The following COL6A5 variants were observed in gnomAD, a reference collection of about 807,000 sequenced individuals.
COL6A5 encodes collagen type VI alpha 5 chain, also known as collagen alpha-5(VI) chain.
Under a neutral mutation model 65.6 loss-of-function variants are expected in COL6A5, and 48 were observed. The observed-to-expected ratio is 0.73, with a 90% CI of 0.58 to 0.93. The LOEUF (loss-of-function observed/expected upper bound fraction) is 0.93. Ranked by LOEUF, COL6A5 falls within the 40% of genes least tolerant of loss-of-function variation. The pLI is 0.00. For missense variants in COL6A5, 914 were observed against 928.3 expected, an observed-to-expected ratio of 0.98 and a Z score of 0.20; for synonymous variants, 291 against 322.8, an observed-to-expected ratio of 0.90 and a Z score of 1.05.
intron 1 of COL6A5, among the ~76,000 whole-genome samples, chr3:130,372,583 G>A (rs139635371): frequency 2.4e-3 from 368 of 152,192 alleles, no homozygotes; most frequent in African/African-American, 8.6e-3. Context: ...GCCACATATT[G>A]TATGATTCTG....
chr3:130,391,757 A>C lies in COL6A5; in HGVS notation c.2992+3A>C. The C allele has an allele frequency of 6.5e-7, 1 of 1,537,320 alleles. No individual in the cohort carries two copies. Among genetic ancestry groups the C allele is most frequent in the Non-Finnish European group, 8.8e-7 (1 of 1,140,498 alleles). On this transcript the variant is annotated splice_donor_region_variant and intron_variant and NMD_transcript_variant, in intron 7 of 41. Transcript: ENST00000312481. Reference sequence around the variant, plus strand: ...TATGTGTACTGAAGCACCAGAGGGTAAGTTGTTACTTTTAAAGTTTCTATG... The same window carrying C: ...TATGTGTACTGAAGCACCAGAGGGTCAGTTGTTACTTTTAAAGTTTCTATG...
At chr3:130,366,528 T>C (rs1223548464) in intron 1 of COL6A5, among the ~76,000 whole-genome samples, 4 of 152,232 alleles carry the variant, frequency 2.6e-5, no homozygotes, top group African/African-American at 4.8e-5. Context: ...TTTTATAGAT[T>C]ACAGAAGCAA....
At chr3:130,450,186 T>C (rs1325062801) in intron 4 of COL6A5, among the ~76,000 whole-genome samples, 3 of 151,966 alleles carry the variant, frequency 2.0e-5, no homozygotes, top group Non-Finnish European at 4.4e-5. Context: ...GCAACATTGG[T>C]GTGAGTTTGA....
chr3:130,383,351 G>A (rs34525063), intron 4 of COL6A5, among the ~76,000 whole-genome samples: 7,933 of 152,062 alleles, frequency 0.052, 293 homozygotes, highest in Middle Eastern at 0.11. Context: ...GTATTGGATA[G>A]CACAGCCCTA....
intron 31 of COL6A5, 49 bp downstream of exon 31, chr3:130,426,452 A>T (rs888050138): frequency 1.3e-6 from 2 of 1,527,420 alleles, no homozygotes; most frequent in Non-Finnish European, 1.8e-6. Context: ...TTGGTGAGGC[A>T]CTTAGGACTG....
At chr3:130,477,896 A>C (rs1710138398) in intron 7 of COL6A5, among the ~76,000 whole-genome samples, 1 of 152,140 alleles carries the variant, frequency 6.6e-6, no homozygotes, top group South Asian at 2.1e-4. Flanking sequence ...AATTCTATTA[A>C]TATTCTGAGA....
intron 20 of COL6A5, among the ~76,000 whole-genome samples, chr3:130,410,756 G>A (rs1321330115): frequency 6.6e-6 from 1 of 152,116 alleles, no homozygotes; most frequent in Non-Finnish European, 1.5e-5. Flanking sequence ...AGTATCAGTA[G>A]CACCACCCCT....
chr3:130,418,805 C>A, intron 24 of COL6A5, 64 bp from the exon 25 acceptor site: 1 of 1,332,532 alleles, frequency 7.5e-7, no homozygotes, highest in Non-Finnish European at 1.1e-6. Context: ...GTGGACAGAA[C>A]TTACCGTGGT....
At chr3:130,429,553 T>G, upstream of COL6A5, 1 of 1,545,234 alleles carries the variant, frequency 6.5e-7, no homozygotes, top group Non-Finnish European at 8.7e-7. Context: ...AACAAACTTT[T>G]CCCTCTCTCC....
At chr3:130,372,623 C>A (rs181691177) in intron 1 of COL6A5, among the ~76,000 whole-genome samples, 1 of 152,156 alleles carries the variant, frequency 6.6e-6, no homozygotes, top group Admixed American at 6.5e-5. Flanking sequence ...ATAGGCAAAT[C>A]CATAGAGAAA....
intron 1 of COL6A5, among the ~76,000 whole-genome samples, chr3:130,358,051 T>G (rs1459192224): frequency 6.6e-6 from 1 of 151,526 alleles, no homozygotes; most frequent in Non-Finnish European, 1.5e-5. Flanking sequence ...TAGCCGGGCG[T>G]GGTGGCGGGC....
At chr3:130,437,541 AT>A (rs1032168680) in intron 1 of COL6A5, among the ~76,000 whole-genome samples, 64 of 152,188 alleles carry the variant, frequency 4.2e-4, no homozygotes, top group African/African-American at 1.3e-3. Flanking sequence ...AAACTCTGCA[AT>A]TTATCATTTC....
intron 1 of COL6A5, among the ~76,000 whole-genome samples, chr3:130,360,544 G>A (rs1169431766): frequency 7.2e-5 from 11 of 152,226 alleles, no homozygotes. Flanking sequence ...CGTCTCTAGG[G>A]AATGGGAATA....
In COL6A5 at chr3:130,391,596, G is replaced by C. The variant is rs571899016; in HGVS notation, c.2834G>C (p.Gly945Ala). The change falls in exon 7 of 42, where the codon GGC (glycine) becomes GCC (alanine). Residue 945 changes from glycine (G) to alanine (A), a missense_variant and NMD_transcript_variant. By Grantham distance (60) the Gly-to-Ala change is moderately conservative. Transcript: ENST00000312481. ...ACAGCATTGGAACTGAGAAACAAAG[G>C]CATCACCATCTTTGCAGTGGGTGTA... The C allele has an allele frequency of 2.0e-4, 308 of 1,551,662 alleles. 1 individual carries two copies. In the African/African-American group the frequency reaches 3.8e-3, roughly 19 times the overall value.
intron 5 of COL6A5, among the ~76,000 whole-genome samples, chr3:130,465,191 C>T (rs988221575): frequency 2.0e-5 from 3 of 152,020 alleles, no homozygotes; most frequent in African/African-American, 7.2e-5. Context: ...GCCCAGTGAG[C>T]TCCTGGAGCT....
At chr3:130,368,944 G>C (rs1201822070) in intron 1 of COL6A5, among the ~76,000 whole-genome samples, 1 of 152,188 alleles carries the variant, frequency 6.6e-6, no homozygotes, top group Non-Finnish European at 1.5e-5. Context: ...CCATGGACTG[G>C]TTCTGTGACC....
chr3:130,376,210 T>G (rs762076745), intron 2 of COL6A5, 27 bp from the exon 3 acceptor site: 2 of 1,538,288 alleles, frequency 1.3e-6, no homozygotes, highest in African/African-American at 1.4e-5. Context: ...GATAACTTTG[T>G]TTTTGCTTGT....
intron 1 of COL6A5, among the ~76,000 whole-genome samples, chr3:130,346,186 A>C (rs1337293601): frequency 6.6e-6 from 1 of 152,212 alleles, no homozygotes; most frequent in African/African-American, 2.4e-5. Context: ...GAGCAGTGCT[A>C]TCCGAAGTGT....
chr3:130,347,529 A>G (rs1934532167), intron 1 of COL6A5, among the ~76,000 whole-genome samples: 1 of 152,152 alleles, frequency 6.6e-6, no homozygotes, highest in African/African-American at 2.4e-5. Context: ...CACTGTAAAT[A>G]TTTCCCATCT....
Sources: allele counts gnomAD v4.1 joint callset (sites outside exome capture counted in the v4.1 genomes callset), GRCh38; gene constraint gnomAD v4.1.1; transcripts MANE v1.5; gene names NCBI Gene and HGNC (gene_info 2026-07-23, HGNC 2026-07-21).